STPG4: variants seen among roughly 807,000 people sequenced by gnomAD.
STPG4 encodes the protein protein STPG4.
STPG4 carries 41 observed loss-of-function variants against 31.5 expected under a neutral mutation model. The observed-to-expected ratio is 1.30, with a 90% CI of 1.01 to 1.69. The LOEUF (loss-of-function observed/expected upper bound fraction) is 1.69, where lower values mean the gene tolerates loss of function less well. Ranked by LOEUF, STPG4 falls within the 40% of genes most tolerant of loss-of-function variation. STPG4 has a pLI of 0.00. For missense variants in STPG4, 375 were observed against 293.4 expected (o/e 1.28, Z -2.03); for synonymous variants, 141 against 103.0 (o/e 1.37, Z -2.24).
At chr2:47,131,493 G>A (rs922580256) in intron 3 of STPG4, among the ~76,000 whole-genome samples, 4 of 152,198 alleles carry the variant, frequency 2.6e-5, no homozygotes, top group Non-Finnish European at 2.9e-5. Context: ...CTGCTCTGGG[G>A]TAAAGCGCAG....
chr2:47,096,336 T>G (rs983627336), intron 5 of STPG4, among the ~76,000 whole-genome samples: 1 of 152,156 alleles, frequency 6.6e-6, no homozygotes, highest in African/African-American at 2.4e-5. Context: ...CATTTGAGGC[T>G]GGTGGAAGGG....
At chr2:47,134,213 A>G (rs1175123391) in intron 3 of STPG4, among the ~76,000 whole-genome samples, 1 of 152,238 alleles carries the variant, frequency 6.6e-6, no homozygotes, top group Admixed American at 6.5e-5. Context: ...GCACATCATT[A>G]TCACTCAAAG....
chr2:47,129,309 G>A (rs918671322), intron 5 of STPG4: 2 of 152,466 alleles, frequency 1.3e-5, no homozygotes, highest in Non-Finnish European at 2.9e-5. Flanking sequence ...TAGGTCTTGT[G>A]TACCCTAAGT....
chr2:47,122,163 T>G (rs899795269), intron 5 of STPG4, among the ~76,000 whole-genome samples: 2 of 152,216 alleles, frequency 1.3e-5, no homozygotes, highest in Non-Finnish European at 2.9e-5. Context: ...TGTCTATTTA[T>G]GTCCTTTATC....
At chr2:47,103,426 G>T (rs765389656) in intron 5 of STPG4, among the ~76,000 whole-genome samples, 1 of 151,814 alleles carries the variant, frequency 6.6e-6, no homozygotes, top group Admixed American at 6.6e-5. Flanking sequence ...AAATTCTAGA[G>T]ATATTATTAA....
At chr2:47,140,607 T>C (rs1686682261) in intron 3 of STPG4, among the ~76,000 whole-genome samples, 1 of 152,224 alleles carries the variant, frequency 6.6e-6, no homozygotes, top group African/African-American at 2.4e-5. Flanking sequence ...TTGGGGATAG[T>C]CTGCCCTGTG....
At chr2:47,092,845 T>C (rs997420480) in intron 5 of STPG4, among the ~76,000 whole-genome samples, 2 of 151,468 alleles carry the variant, frequency 1.3e-5, no homozygotes, top group African/African-American at 4.9e-5. Flanking sequence ...CAGGCTGGAG[T>C]GCAGTCACGC....
chr2:47,154,937 GA>G (rs1686998925), intron 1 of STPG4, among the ~76,000 whole-genome samples: 2 of 152,076 alleles, frequency 1.3e-5, no homozygotes, highest in African/African-American at 4.8e-5. Flanking sequence ...AACAAAGGGC[GA>G]AGGAGAAGGA....
chr2:47,128,763 T>A (rs1368085981), intron 5 of STPG4: 5 of 152,270 alleles, frequency 3.3e-5, no homozygotes. Context: ...CCCAGGAGCC[T>A]GCTTGGTGCT....
At chr2:47,145,437 G>T (rs1031448310) in intron 3 of STPG4, among the ~76,000 whole-genome samples, 1 of 152,188 alleles carries the variant, frequency 6.6e-6, no homozygotes, top group African/African-American at 2.4e-5. Context: ...TCCCTTTCAT[G>T]AATTCCAGCC....
intron 5 of STPG4, among the ~76,000 whole-genome samples, chr2:47,097,632 T>C (rs897301587): frequency 2.6e-5 from 4 of 152,192 alleles, no homozygotes; most frequent in Non-Finnish European, 5.9e-5. Context: ...GCACCATCTA[T>C]GAGGAAGGGG....
intron 3 of STPG4, among the ~76,000 whole-genome samples, chr2:47,134,913 T>C (rs1239937532): frequency 1.3e-5 from 2 of 152,214 alleles, no homozygotes; most frequent in South Asian, 4.1e-4. Flanking sequence ...TTGTGTAGTA[T>C]CTCATTGTCT....
intron 5 of STPG4, among the ~76,000 whole-genome samples, chr2:47,125,420 C>T (rs190549614): frequency 1.5e-3 from 233 of 150,332 alleles, no homozygotes; most frequent in Middle Eastern, 3.4e-3. Context: ...GACGCTGTCT[C>T]AAAAAAAAAG....
At chr2:47,142,591 A>T (rs899705853) in intron 3 of STPG4, among the ~76,000 whole-genome samples, 4 of 152,206 alleles carry the variant, frequency 2.6e-5, no homozygotes, top group Non-Finnish European at 5.9e-5. Context: ...ATCAACAGAA[A>T]GAAAAAAATT....
chr2:47,098,094 T>C (rs1196157684), intron 5 of STPG4, among the ~76,000 whole-genome samples: 1 of 152,222 alleles, frequency 6.6e-6, no homozygotes, highest in Non-Finnish European at 1.5e-5. Flanking sequence ...AATGTCACCA[T>C]GTATTTCCAG....
At chr2:47,121,310 C>T (rs535170306) in intron 5 of STPG4, among the ~76,000 whole-genome samples, 9 of 152,142 alleles carry the variant, frequency 5.9e-5, no homozygotes, top group Non-Finnish European at 1.0e-4. Context: ...GCCCCAAGCA[C>T]TGTGAGGATG....
At chr2:47,120,670 T>A (rs1053573345) in intron 5 of STPG4, among the ~76,000 whole-genome samples, 3 of 152,188 alleles carry the variant, frequency 2.0e-5, no homozygotes, top group African/African-American at 7.2e-5. Flanking sequence ...TTCAGTCATA[T>A]GTTAAGAGGT....
At chr2:47,113,960 G>A (rs1030775079) in intron 5 of STPG4, among the ~76,000 whole-genome samples, 1 of 151,706 alleles carries the variant, frequency 6.6e-6, no homozygotes, top group Non-Finnish European at 1.5e-5. Flanking sequence ...CGTGAACCCA[G>A]GAGGCAGAGC....
intron 3 of STPG4, among the ~76,000 whole-genome samples, chr2:47,133,617 G>C (rs187056236): frequency 1.0e-5 from 1 of 99,242 alleles, no homozygotes; most frequent in Admixed American, 1.7e-4. Flanking sequence ...GGCTCTTGTC[G>C]CCCAGGCTGG....
Sources: allele counts gnomAD v4.1 joint callset (sites outside exome capture counted in the v4.1 genomes callset), GRCh38; gene constraint gnomAD v4.1.1; transcripts MANE v1.5; gene names NCBI Gene and HGNC (gene_info 2026-07-23, HGNC 2026-07-21).